TMEM209: variants seen among roughly 807,000 people sequenced by gnomAD.
TMEM209 encodes testicular tissue protein Li 202.
Under a neutral mutation model 76.2 loss-of-function variants are expected in TMEM209, and 65 were observed. The observed-to-expected ratio is 0.85, with a 90% CI of 0.70 to 1.05. The LOEUF (loss-of-function observed/expected upper bound fraction) is 1.05. TMEM209 is among the 50% of genes least tolerant of loss of function. The pLI is 0.00. For synonymous variants in TMEM209, 239 were observed against 237.6 expected (o/e 1.01, Z -0.06); for missense variants, 623 against 685.5 (o/e 0.91, Z 1.02).
chr7:130,181,816 A>T, intron 8 of TMEM209, 97 bp from the exon 9 acceptor site: 2 of 911,766 alleles, frequency 2.2e-6, no homozygotes, highest in Non-Finnish European at 3.4e-6. Flanking sequence ...AATTTTTTTT[A>T]CTATCTTATA....
chr7:130,167,165 A>G (rs1315046072), intron 14 of TMEM209, among the ~76,000 whole-genome samples: 1 of 152,138 alleles, frequency 6.6e-6, no homozygotes, highest in Non-Finnish European at 1.5e-5. Context: ...AACTGAAGAA[A>G]AAGCCACTTG....
chr7:130,187,930 A>G (rs912241051), intron 6 of TMEM209, among the ~76,000 whole-genome samples: 6 of 152,178 alleles, frequency 3.9e-5, no homozygotes, highest in African/African-American at 1.4e-4. Flanking sequence ...CTGCAGTCCT[A>G]ACAACCAACA....
Position 130,175,483 on chromosome 7 carries a change from T to C in TMEM209, c.1344+29A>G, listed in dbSNP as rs760832484. 4 of 1,587,066 alleles carry C rather than the reference T, an allele frequency of 2.5e-6. No individual in the cohort carries two copies. The South Asian group carries it at 4.6e-5, about 18-fold the overall frequency. ...TGTCAGTCAATCAACAGTAAATAAATAAATGAATGAAAGAATCTAGGGGCT... is the reference window on the plus strand; with the variant it reads ...TGTCAGTCAATCAACAGTAAATAAACAAATGAATGAAAGAATCTAGGGGCT... On this transcript the variant is annotated intron_variant, in intron 11 of 14. Coordinates refer to ENST00000397622, the MANE Select transcript of TMEM209 (RefSeq NM_032842.4).
In TMEM209 at chr7:130,181,717, C is replaced by T. The variant is rs773400478; in HGVS notation, c.1026G>A (p.Trp342Ter). 1.2e-6 allele frequency: 2 copies of T among 1,604,272 alleles called. No individual in the cohort carries two copies. Among genetic ancestry groups the T allele is most frequent in the Admixed American group, 3.4e-5 (2 of 58,642 alleles). Residue 342 changes from tryptophan (W) to a stop codon, truncating the protein, a stop_gained and splice_region_variant, in exon 9 of 15, where the codon TGG becomes TGA. Transcript: ENST00000397622. LOFTEE classifies it high-confidence loss of function. Reference protein sequence around the residue: ...MDSWTAKFRNWINETILVPLV... With the variant: ...MDSWTAKFRN ...GTGGCACTAATATTGTCTCATTGATCCACTAGAAGAAATAAGGTACAGATT... is the reference window on the plus strand; with the variant it reads ...GTGGCACTAATATTGTCTCATTGATTCACTAGAAGAAATAAGGTACAGATT...
At chr7:130,203,546 A>C (rs1392564199) in intron 3 of TMEM209, among the ~76,000 whole-genome samples, 1 of 152,170 alleles carries the variant, frequency 6.6e-6, no homozygotes, top group Non-Finnish European at 1.5e-5. Context: ...CTAACCTCTA[A>C]ACTTATTTTT....
intron 6 of TMEM209, among the ~76,000 whole-genome samples, chr7:130,191,497 T>G (rs987164400): frequency 2.0e-5 from 3 of 152,252 alleles, no homozygotes; most frequent in South Asian, 2.1e-4. Flanking sequence ...CTCTGCATTC[T>G]GTTCAATATA....
At chr7:130,178,714 ATTACCCTCCTGTGCTTTT>A in intron 9 of TMEM209, among the ~76,000 whole-genome samples, 187 bp from the exon 10 acceptor site, 1 of 152,032 alleles carries the variant, frequency 6.6e-6, no homozygotes, top group Non-Finnish European at 1.5e-5. Flanking sequence ...CATTAATAAC[ATTACCCTCCTGTGCTTTT>A]TTCCTCCTTA....
At chr7:130,176,992 T>A (rs1312416596) in intron 10 of TMEM209, among the ~76,000 whole-genome samples, 1 of 144,110 alleles carries the variant, frequency 6.9e-6, no homozygotes, top group Non-Finnish European at 1.5e-5. Context: ...GTGCCATTAC[T>A]GCACTCCAGC....
intron 3 of TMEM209, among the ~76,000 whole-genome samples, chr7:130,203,445 TC>T (rs1448374809): frequency 6.6e-6 from 1 of 152,190 alleles, no homozygotes; most frequent in Admixed American, 6.5e-5. Context: ...GAGGAAGGCA[TC>T]AATGGAGCAG....
intron 8 of TMEM209, 77 bp from the exon 9 acceptor site, chr7:130,181,796 CAACTCTAAG>C (rs1200015932): frequency 8.4e-7 from 1 of 1,189,346 alleles, no homozygotes; most frequent in Non-Finnish European, 1.2e-6. Context: ...TTTTTACAAG[CAACTCTAAG>C]AATTTTTTTT....
chr7:130,185,807 A>G (rs546360753), intron 6 of TMEM209, among the ~76,000 whole-genome samples: 2 of 152,350 alleles, frequency 1.3e-5, no homozygotes, highest in East Asian at 3.9e-4. Flanking sequence ...GTAACAAGCT[A>G]AACTTATTTG....
intron 6 of TMEM209, 60 bp downstream of exon 6, chr7:130,192,562 A>C (rs1467368961): frequency 1.4e-6 from 2 of 1,385,588 alleles, no homozygotes; most frequent in Non-Finnish European, 2.0e-6. Flanking sequence ...TAATGAAAAT[A>C]GTAGGTTAAG....
At position 130,204,108 on chromosome 7, in the gene TMEM209, C is replaced by A; in HGVS notation, c.6G>T (p.Met2Ile). The change falls in exon 2 of 15, where the codon ATG becomes ATT. Residue 2 changes from methionine (M) to isoleucine (I), a missense_variant and splice_region_variant. Transcript: ENST00000397622. ...AAGCACTAGGGTGTGCCTCCCCCTG[C>A]ATCTATGAAAAAACAAAAAGCACAG... is the stretch of plus-strand genomic sequence containing the variant. M[M>I]QGEAHPSASL... The A allele has an allele frequency of 1.9e-6, 3 of 1,600,236 alleles. No individual in the cohort carries two copies. The South Asian group carries it at 3.4e-5, about 18-fold the overall frequency.
At chr7:130,184,153 A>G (rs757107183) in intron 8 of TMEM209, 31 bp downstream of exon 8, 5 of 1,485,432 alleles carry the variant, frequency 3.4e-6, no homozygotes, top group Middle Eastern at 3.5e-4. Context: ...AGAGGCACTA[A>G]TATTGTCCAA....
At chr7:130,197,145 A>C (rs1255223914) in intron 5 of TMEM209, among the ~76,000 whole-genome samples, 1 of 152,196 alleles carries the variant, frequency 6.6e-6, no homozygotes, top group African/African-American at 2.4e-5. Context: ...ATATACCCAG[A>C]ACTGAAAGCA....
At chr7:130,171,574 C>T (rs1797067724) in intron 13 of TMEM209, among the ~76,000 whole-genome samples, 1 of 152,116 alleles carries the variant, frequency 6.6e-6, no homozygotes, top group African/African-American at 2.4e-5. Context: ...TATTTACATA[C>T]AAAGCTAAAA....
intron 7 of TMEM209, among the ~76,000 whole-genome samples, chr7:130,184,542 G>T (rs1261620498): frequency 6.8e-6 from 1 of 146,838 alleles, no homozygotes; most frequent in African/African-American, 2.5e-5. Context: ...GTCCAGGCTG[G>T]AACACAGTGA....
chr7:130,172,368 A>C (rs1035207156), intron 13 of TMEM209, among the ~76,000 whole-genome samples: 1 of 151,992 alleles, frequency 6.6e-6, no homozygotes, highest in Non-Finnish European at 1.5e-5. Context: ...TTTGAGACGG[A>C]GTCTTGCTCT....
chr7:130,173,664 T>A lies in TMEM209; in HGVS notation c.1525A>T (p.Ile509Phe). The change falls in exon 13 of 15, where the codon ATC (isoleucine) becomes TTC (phenylalanine). Residue 509 changes from isoleucine (I) to phenylalanine (F), a missense_variant. Ile to Phe is a conservative substitution (Grantham distance 21). Transcript: ENST00000397622. Reference sequence around the variant, plus strand: ...AGGTTGTATACATGACGCTGGTAGATGAGCTCATAATGGGGAGGGTTGATA... The same window carrying A: ...AGGTTGTATACATGACGCTGGTAGAAGAGCTCATAATGGGGAGGGTTGATA... ...SAINPPHYEL[I>F]YQRHVYNLPK... The A allele has an allele frequency of 1.2e-6, 2 of 1,613,560 alleles. No homozygotes were observed. Among genetic ancestry groups the A allele is most frequent in the Non-Finnish European group, 1.7e-6 (2 of 1,179,726 alleles).
Sources: gnomAD v4.1 joint callset for allele counts (sites outside exome capture counted in the v4.1 genomes callset) on GRCh38, gnomAD v4.1.1 for gene constraint, MANE v1.5 for transcripts, NCBI Gene and HGNC (gene_info 2026-07-23, HGNC 2026-07-21) for gene names.